Variants in SMCHD1 observed in about 807,000 individuals in gnomAD.
SMCHD1 encodes structural maintenance of chromosomes flexible hinge domain containing 1.
In SMCHD1, 78 loss-of-function variants were observed where a neutral mutation model predicts 254.7. The observed-to-expected ratio is 0.31, with a 90% CI of 0.26 to 0.37. The LOEUF is 0.37. SMCHD1 is among the 10% of genes least tolerant of loss of function. The probability of loss-of-function intolerance (pLI) is 1.00; values close to 1 mark genes in which losing one functional copy is unlikely to be tolerated. For missense variants in SMCHD1, 1,840 were observed against 2,408.1 expected, an observed-to-expected ratio of 0.76 and a Z score of 4.94; for synonymous variants, 766 against 794.9, an observed-to-expected ratio of 0.96 and a Z score of 0.61.
intron 45 of SMCHD1, among the ~76,000 whole-genome samples, chr18:2,785,639 C>G (rs1448818357): frequency 3.7e-5 from 3 of 81,164 alleles, no homozygotes; most frequent in Non-Finnish European, 6.7e-5. Flanking sequence ...GCAACAGAGA[C>G]TCTGTCTCAA....
chr18:2,693,438 G>C (rs534784823), intron 7 of SMCHD1, among the ~76,000 whole-genome samples: 2 of 152,280 alleles, frequency 1.3e-5, no homozygotes, highest in African/African-American at 4.8e-5. Context: ...TGTACAGCTT[G>C]TTACCCCAGG....
chr18:2,760,605 C>A, intron 34 of SMCHD1, 47 bp from the exon 35 acceptor site: 1 of 1,048,686 alleles, frequency 9.5e-7, no homozygotes, highest in South Asian at 1.3e-5. Flanking sequence ...ATTCCTTCCC[C>A]CTTTATACAA....
At chr18:2,661,712 C>G (rs2073260126) in intron 1 of SMCHD1, among the ~76,000 whole-genome samples, 1 of 152,126 alleles carries the variant, frequency 6.6e-6, no homozygotes, top group South Asian at 2.1e-4. Context: ...ACCCGGTTGC[C>G]ATTGTTTGAA....
At chr18:2,793,601 C>CT (rs1253119668) in intron 45 of SMCHD1, among the ~76,000 whole-genome samples, 1 of 142,410 alleles carries the variant, frequency 7.0e-6, no homozygotes, top group Non-Finnish European at 1.5e-5. Context: ...GGAGGTGGAG[C>CT]TTGCAGTGAG....
intron 45 of SMCHD1, among the ~76,000 whole-genome samples, chr18:2,790,745 A>G (rs1265991764): frequency 1.3e-5 from 2 of 152,250 alleles, no homozygotes; most frequent in Non-Finnish European, 2.9e-5. Flanking sequence ...TGGGCAACAG[A>G]GCGAGATTCC....
At chr18:2,700,443 T>C in intron 10 of SMCHD1, 96 bp from the exon 11 acceptor site, 2 of 1,338,030 alleles carry the variant, frequency 1.5e-6, no homozygotes, top group East Asian at 4.9e-5. Flanking sequence ...TACCTTTAGG[T>C]TTTATAGAAT....
intron 19 of SMCHD1, among the ~76,000 whole-genome samples, chr18:2,721,545 A>G (rs1344790026): frequency 6.6e-6 from 1 of 152,092 alleles, no homozygotes; most frequent in African/African-American, 2.4e-5. Context: ...TAGAAACCGT[A>G]GTGCTTTTTG....
Position 2,701,188 on chromosome 18 carries a change from T to A in SMCHD1, c.1647+270T>A, listed in dbSNP as rs1356223592. ...TGTTTTTTTTTTTTTAAGACAGGAG[T>A]TTCACTCTGTTTCCCAGGCTGGATT... On this transcript the variant is annotated intron_variant, in intron 12 of 47. Transcript: ENST00000320876. The A allele has an allele frequency of 1.4e-5, 3 of 208,932 alleles. No homozygotes were observed. In the East Asian group the frequency reaches 3.1e-4, roughly 22 times the overall value. 12.9% of individuals were successfully genotyped at this position (208,932 alleles called of 1,614,324 possible). A position where few individuals can be genotyped will look rare whatever the true frequency, so the allele number is the denominator to read the frequency against.
intron 7 of SMCHD1, among the ~76,000 whole-genome samples, chr18:2,689,852 TAA>T (rs1167921048): frequency 0.023 from 1,697 of 72,376 alleles, 9 homozygotes; most frequent in Middle Eastern, 0.073. Flanking sequence ...TTGTCTCTAC[TAA>T]AAAAAAAAAA....
In SMCHD1 at chr18:2,707,720, A is replaced by C. The variant is rs1371326848; in HGVS notation, c.2146+75A>C. The C allele has an allele frequency of 4.8e-6, 7 of 1,461,188 alleles. No individual in the cohort carries two copies. The African/African-American group carries it at 7.1e-5, about 15-fold the overall frequency. The allele number at this position is 1,461,188 out of a possible 1,614,324, so 90.5% of individuals were successfully genotyped here. Reference sequence around the variant, plus strand: ...TTACATTTCCAATATGTAAAAGGTCACGAGATATTAAAATGCAATGGGAAG... The same window carrying C: ...TTACATTTCCAATATGTAAAAGGTCCCGAGATATTAAAATGCAATGGGAAG... On this transcript the variant is annotated intron_variant, in intron 16 of 47. Coordinates refer to ENST00000320876, the MANE Select transcript of SMCHD1 (RefSeq NM_015295.3).
At chr18:2,784,960 A>G (rs955226962) in intron 45 of SMCHD1, 1 of 357,518 alleles carries the variant, frequency 2.8e-6, no homozygotes, top group East Asian at 8.0e-5. Context: ...AAAAAAAAAA[A>G]GAAGAAATTT....
chr18:2,673,691 A>T (rs1455995655), intron 4 of SMCHD1, among the ~76,000 whole-genome samples: 1 of 152,066 alleles, frequency 6.6e-6, no homozygotes, highest in African/African-American at 2.4e-5. Context: ...TCTGTTGTTG[A>T]ACATTTAGAT....
chr18:2,739,854 G>A (rs1371247009), intron 27 of SMCHD1, among the ~76,000 whole-genome samples: 3 of 152,120 alleles, frequency 2.0e-5, no homozygotes, highest in Non-Finnish European at 4.4e-5. Context: ...GGAGGCTGAG[G>A]CGAGGGGATT....
Position 2,728,442 on chromosome 18 carries a change from A to G in SMCHD1, c.2774-15A>G. 2 of 1,610,984 alleles carry G rather than the reference A, an allele frequency of 1.2e-6. No homozygotes were observed. The highest frequency in any genetic ancestry group is 8.5e-7 in the Non-Finnish European group (1 of 1,178,556). On this transcript the variant is annotated splice_polypyrimidine_tract_variant and intron_variant, in intron 22 of 47. Transcript: ENST00000320876. ...GAAACCTGAATATGTATTTCATTGT[A>G]TAATTTACTGTTAGGTCACCCTCGT...
rs1202881898 is a variant in SMCHD1, at chr18:2,803,085, A to G, written c.*533A>G. The G allele has an allele frequency of 6.6e-6, 1 of 151,662 alleles. No individual in the cohort carries two copies. Among genetic ancestry groups the G allele is most frequent in the East Asian group, 1.9e-4 (1 of 5,188 alleles). The allele number at this position is 151,662 out of a possible 1,614,324, so 9.4% of individuals were successfully genotyped here. Reference sequence around the variant, plus strand: ...GGATAAAAATTTTAAAAGCACAGGTATTTGGGAATTGAAATGTTAAGATAC... The same window carrying G: ...GGATAAAAATTTTAAAAGCACAGGTGTTTGGGAATTGAAATGTTAAGATAC... On this transcript the variant is annotated 3_prime_UTR_variant, in exon 48 of 48. Coordinates refer to ENST00000320876, the MANE Select transcript of SMCHD1 (RefSeq NM_015295.3).
chr18:2,760,432 G>C (rs1386143686), intron 34 of SMCHD1: 1 of 352,862 alleles, frequency 2.8e-6, no homozygotes, highest in African/African-American at 2.1e-5. Context: ...ACCATATCCA[G>C]CACGTTTATT....
intron 47 of SMCHD1, among the ~76,000 whole-genome samples, chr18:2,799,329 G>A (rs1172030285): frequency 6.6e-6 from 1 of 152,048 alleles, no homozygotes; most frequent in South Asian, 2.1e-4. Flanking sequence ...TAGCTACGTT[G>A]CAAGTACTCT....
At chr18:2,776,389 A>ATT (rs71365200) in intron 42 of SMCHD1, among the ~76,000 whole-genome samples, 43,345 of 148,020 alleles carry the variant, frequency 0.29, 6,453 homozygotes, top group East Asian at 0.51. Context: ...GCCCAGCTAA[A>ATT]TTTTTTTTTT....
intron 44 of SMCHD1, among the ~76,000 whole-genome samples, chr18:2,781,439 T>C (rs1054908392): frequency 5.3e-5 from 8 of 152,220 alleles, no homozygotes; most frequent in African/African-American, 1.9e-4. Flanking sequence ...AGATACCTGA[T>C]TGAAGCAAAT....
Sources: allele counts gnomAD v4.1 joint callset (sites outside exome capture counted in the v4.1 genomes callset), GRCh38; gene constraint gnomAD v4.1.1; transcripts MANE v1.5; gene names NCBI Gene and HGNC (gene_info 2026-07-23, HGNC 2026-07-21).